The following LRRCC1 variants were observed in gnomAD, a reference collection of about 807,000 sequenced individuals.
The protein encoded by LRRCC1 is leucine-rich repeat and coiled-coil domain-containing protein 1.
A neutral mutation model predicts 126.0 loss-of-function variants in LRRCC1; 115 were observed. The ratio of observed to expected loss-of-function variants is 0.91; its 90% CI spans 0.78 to 1.07. The LOEUF is 1.07. Ranked by LOEUF, LRRCC1 falls within the 50% of genes least tolerant of loss-of-function variation. The pLI, the probability that LRRCC1 is intolerant of heterozygous loss-of-function variation, is 0.00. For synonymous variants in LRRCC1, 400 were observed against 393.4 expected, an observed-to-expected ratio of 1.02 and a Z score of -0.20; for missense variants, 1,172 against 1,175.7, an observed-to-expected ratio of 1.00 and a Z score of 0.05.
intron 17 of LRRCC1, among the ~76,000 whole-genome samples, chr8:85,139,063 G>T (rs996876407): frequency 2.6e-5 from 4 of 151,802 alleles, no homozygotes; most frequent in Admixed American, 6.6e-5. Flanking sequence ...AAAAAAAAAA[G>T]AATTGCTATA....
At position 85,135,955 on chromosome 8, in the gene LRRCC1, CACA is replaced by C; in HGVS notation, c.2326_2328del (p.Gln776del). On this transcript the variant is annotated inframe_deletion, in exon 14 of 19. Coordinates refer to ENST00000360375, the MANE Select transcript of LRRCC1 (RefSeq NM_033402.5). ...AGAAAAGTATGGGGACATGAGCTGGCACAACAAGGTAAAATTCTCAGATTTTCA... is the reference window on the plus strand; with the variant it reads ...AGAAAAGTATGGGGACATGAGCTGGCACAAGGTAAAATTCTCAGATTTTCA... 3 of 1,560,016 alleles carry C rather than the reference CACA, an allele frequency of 1.9e-6. No individual in the cohort carries two copies. Among genetic ancestry groups the C allele is most frequent in the Non-Finnish European group, 1.7e-6 (2 of 1,154,652 alleles).
Position 85,137,445 on chromosome 8 carries a change from G to C in LRRCC1, c.2330-19G>C, listed in dbSNP as rs1270226367. The C allele has an allele frequency of 2.6e-6, 4 of 1,528,224 alleles. No individual in the cohort carries two copies. The highest frequency in any genetic ancestry group is 3.5e-6 in the Non-Finnish European group (4 of 1,145,162). 94.7% of individuals were successfully genotyped at this position (1,528,224 alleles called of 1,614,324 possible). On this transcript the variant is annotated intron_variant, in intron 14 of 18. Coordinates refer to ENST00000360375, the MANE Select transcript of LRRCC1 (RefSeq NM_033402.5). ...CCAAGGTGTTTCAAAGTATGTAATT[G>C]ATGATTTTTGTTTCTTAGGATCTTC...
intron 8 of LRRCC1, among the ~76,000 whole-genome samples, chr8:85,125,651 C>T (rs1438206025): frequency 1.9e-5 from 2 of 103,386 alleles, no homozygotes; most frequent in African/African-American, 4.1e-5. Flanking sequence ...CCAGCCTGGG[C>T]GACAGAGCGA....
intron 18 of LRRCC1, among the ~76,000 whole-genome samples, chr8:85,143,777 T>C (rs1811430688): frequency 1.3e-5 from 2 of 152,138 alleles, no homozygotes; most frequent in Non-Finnish European, 2.9e-5. Flanking sequence ...CTAAATAAGT[T>C]TAAGGTTTAA....
chr8:85,133,693 A>T (rs1347484136), intron 12 of LRRCC1, among the ~76,000 whole-genome samples: 2 of 152,102 alleles, frequency 1.3e-5, no homozygotes, highest in East Asian at 3.8e-4. Context: ...ACCCTTATTT[A>T]AAAAATATAC....
chr8:85,141,490 G>T lies in LRRCC1; in HGVS notation c.2949G>T (p.Gln983His). ...AEIAQLANEK[Q>H]KCIDSANLKV... ...TAGCACAGCTGGCCAATGAAAAGCAGAAGTGTATTGATTCTGCAAATTTAA... is the reference window on the plus strand; with the variant it reads ...TAGCACAGCTGGCCAATGAAAAGCATAAGTGTATTGATTCTGCAAATTTAA... The change falls in exon 18 of 19, where the codon CAG (glutamine) becomes CAT (histidine). Residue 983 changes from glutamine to histidine, a missense_variant. Gln to His is a conservative substitution (Grantham distance 24). Coordinates refer to ENST00000360375, the MANE Select transcript of LRRCC1 (RefSeq NM_033402.5). The T allele has an allele frequency of 6.2e-7, 1 of 1,611,314 alleles. No individual in the cohort carries two copies.
intron 9 of LRRCC1, among the ~76,000 whole-genome samples, chr8:85,127,098 G>C (rs1023339841): frequency 6.6e-6 from 1 of 152,208 alleles, no homozygotes; most frequent in South Asian, 2.1e-4. Flanking sequence ...GACTAGAGCA[G>C]TGATTAACAA....
chr8:85,132,068 T>A (rs1378073147), intron 12 of LRRCC1, 107 bp downstream of exon 12: 3 of 889,124 alleles, frequency 3.4e-6, no homozygotes, highest in East Asian at 5.4e-5. Context: ...GGCTTCATAA[T>A]CTTAAGTAAA....
At chr8:85,128,853 C>T (rs905932259) in intron 9 of LRRCC1, among the ~76,000 whole-genome samples, 1 of 152,114 alleles carries the variant, frequency 6.6e-6, no homozygotes, top group African/African-American at 2.4e-5. Context: ...GTTGATATTA[C>T]CATCTTTATT....
rs370367245 is a variant in LRRCC1 at position 85,109,727 on chromosome 8, A to G, written c.237A>G (p.Arg79=). 21 of 1,604,014 alleles carry G rather than the reference A, an allele frequency of 1.3e-5. No individual in the cohort carries two copies. Among genetic ancestry groups the G allele is most frequent in the Admixed American group, 1.7e-5 (1 of 59,828 alleles). ...HLDLSSNQIS[R]IEGLNTLTKL... ...ATCTGTCATCTAATCAAATAAGTAG[A>G]ATTGAAGGACTAAACACACTGACAA... is the stretch of plus-strand genomic sequence containing the variant. Residue 79 remains arginine (R), a synonymous_variant, in exon 2 of 19, where the codon AGA becomes AGG. Coordinates refer to ENST00000360375, the MANE Select transcript of LRRCC1 (RefSeq NM_033402.5).
chr8:85,128,992 T>C (rs1486264614), intron 9 of LRRCC1, among the ~76,000 whole-genome samples, 183 bp from the exon 10 acceptor site: 1 of 152,200 alleles, frequency 6.6e-6, no homozygotes, highest in East Asian at 1.9e-4. Flanking sequence ...CATTTCTGTT[T>C]CTCTGTGGCT....
intron 1 of LRRCC1, chr8:85,108,704 A>G (rs1451859448): frequency 6.6e-6 from 1 of 151,682 alleles, no homozygotes. Context: ...GAAATTTGCA[A>G]ATGCTTCCCT....
At chr8:85,140,865 C>A (rs1404039224) in intron 17 of LRRCC1, among the ~76,000 whole-genome samples, 1 of 152,100 alleles carries the variant, frequency 6.6e-6, no homozygotes, top group Admixed American at 6.5e-5. Context: ...GAGTTCAAGA[C>A]CAGCCTATCC....
rs1811623809 is a variant in LRRCC1, at chr8:85,145,583, T to C, written c.*72T>C. On this transcript the variant is annotated 3_prime_UTR_variant, in exon 19 of 19. Transcript: ENST00000360375. ...TAAAAATGATTAAATATTGTAATAG[T>C]AGTAACTGCTATGACTTTGAAATGT... 8 of 1,232,258 alleles carry C rather than the reference T, an allele frequency of 6.5e-6. No homozygotes were observed. The highest frequency in any genetic ancestry group is 8.9e-6 in the Non-Finnish European group (8 of 895,178). 76.3% of individuals were successfully genotyped at this position (1,232,258 alleles called of 1,614,324 possible).
Position 85,109,936 on chromosome 8 carries a change from CA to C in LRRCC1, c.310+142del. On this transcript the variant is annotated intron_variant, in intron 2 of 18. Coordinates refer to ENST00000360375, the MANE Select transcript of LRRCC1 (RefSeq NM_033402.5). ...AACTCATTATACAAAATATTTTCTC[CA>C]AAAAAGTGTCAATTTTTTAAAAATT... 6.4e-6 allele frequency: 4 copies of C among 623,216 alleles called. No individual in the cohort carries two copies. The East Asian group carries it at 8.9e-5, about 14-fold the overall frequency. 38.6% of individuals were successfully genotyped at this position (623,216 alleles called of 1,614,324 possible).
Position 85,138,257 on chromosome 8 carries a change from C to T in LRRCC1, c.2702+14C>T. On this transcript the variant is annotated intron_variant, in intron 16 of 18. Transcript: ENST00000360375. ...AAAAGCTTACAGGTATTATATAGTA[C>T]AGTATTTCCCACTGAGAAATAAAAT... is the stretch of plus-strand genomic sequence containing the variant. 1 of 1,575,084 alleles carries T rather than the reference C, an allele frequency of 6.3e-7. No individual in the cohort carries two copies. Among genetic ancestry groups the T allele is most frequent in the Non-Finnish European group, 8.6e-7 (1 of 1,159,902 alleles).
rs757412003 is a variant in LRRCC1 at position 85,126,670 on chromosome 8, C to T, written c.1273-19C>T. The T allele has an allele frequency of 2.4e-5, 39 of 1,599,522 alleles. No individual in the cohort carries two copies. Among genetic ancestry groups the T allele is most frequent in the Non-Finnish European group, 3.2e-5 (38 of 1,175,676 alleles). On this transcript the variant is annotated intron_variant, in intron 8 of 18. Transcript: ENST00000360375. ...AGGTAACTTTTCTAAGTTCACATAA[C>T]TTTGTTGTTTTCTTTCAGTCCCTTG...
At chr8:85,116,265 C>CT (rs1195185131) in intron 6 of LRRCC1, among the ~76,000 whole-genome samples, 1 of 152,146 alleles carries the variant, frequency 6.6e-6, no homozygotes, top group Non-Finnish European at 1.5e-5. Flanking sequence ...TAGATTATTA[C>CT]TTTATTTGCC....
At chr8:85,117,798 C>T (rs1047555373) in intron 6 of LRRCC1, among the ~76,000 whole-genome samples, 2 of 152,066 alleles carry the variant, frequency 1.3e-5, no homozygotes, top group African/African-American at 4.8e-5. Flanking sequence ...GCTATCTATT[C>T]GTGTATCAAA....
Sources: allele counts gnomAD v4.1 joint callset (sites outside exome capture counted in the v4.1 genomes callset), GRCh38; gene constraint gnomAD v4.1.1; transcripts MANE v1.5; gene names NCBI Gene and HGNC (gene_info 2026-07-23, HGNC 2026-07-21).